The following SLC2A9 variants were observed in gnomAD, a reference collection of about 807,000 sequenced individuals.
The protein encoded by SLC2A9 is solute carrier family 2, facilitated glucose transporter member 9.
A neutral mutation model predicts 50.6 loss-of-function variants in SLC2A9; 39 were observed. The ratio of observed to expected loss-of-function variants is 0.77; its 90% CI spans 0.60 to 1.01. The LOEUF (loss-of-function observed/expected upper bound fraction) is 1.01, where lower values mean the gene tolerates loss of function less well. Among genes scored for constraint, SLC2A9 ranks in the 50% least tolerant of loss-of-function variants. The pLI, the probability that SLC2A9 is intolerant of heterozygous loss-of-function variation, is 0.00. For missense variants in SLC2A9, 686 were observed against 677.6 expected (o/e 1.01, Z -0.14); for synonymous variants, 324 against 276.9 (o/e 1.17, Z -1.69).
At chr4:9,870,213 G>A (rs2109489608) in intron 10 of SLC2A9, among the ~76,000 whole-genome samples, 1 of 152,368 alleles carries the variant, frequency 6.6e-6, no homozygotes, top group Admixed American at 6.5e-5. Context: ...ACACATTGCT[G>A]TCATTTGTGG....
intron 2 of SLC2A9, among the ~76,000 whole-genome samples, chr4:10,001,467 T>G (rs1759790735): frequency 6.6e-6 from 1 of 152,348 alleles, no homozygotes; most frequent in Non-Finnish European, 1.5e-5. Flanking sequence ...CACCTTGATC[T>G]TGGACTTCTG....
At chr4:9,812,424 T>C (rs1723006920) in intron 3 of SLC2A9, among the ~76,000 whole-genome samples, 1 of 151,970 alleles carries the variant, frequency 6.6e-6, no homozygotes, top group South Asian at 2.1e-4. Context: ...TATCCTATCC[T>C]GCAGTCTTGT....
intron 10 of SLC2A9, among the ~76,000 whole-genome samples, chr4:9,856,886 T>A (rs1001960434): frequency 3.3e-5 from 5 of 152,164 alleles, no homozygotes; most frequent in African/African-American, 1.2e-4. Flanking sequence ...TACCACATGT[T>A]CTCAATTATA....
intron 5 of SLC2A9, among the ~76,000 whole-genome samples, chr4:9,964,926 C>T (rs947080050): frequency 7.2e-5 from 11 of 152,176 alleles, no homozygotes; most frequent in Admixed American, 4.6e-4. Flanking sequence ...CTGCTGCAGA[C>T]ATTCGGAGTA....
chr4:9,820,247 T>C (rs891886354), intron 3 of SLC2A9, among the ~76,000 whole-genome samples: 13 of 152,268 alleles, frequency 8.5e-5, no homozygotes, highest in Admixed American at 7.8e-4. Flanking sequence ...CTTTGCATTT[T>C]TGTCAAAATT....
intron 10 of SLC2A9, among the ~76,000 whole-genome samples, chr4:9,852,284 C>T (rs1056262832): frequency 3.3e-5 from 5 of 149,758 alleles, no homozygotes; most frequent in African/African-American, 4.9e-5. Context: ...CTCGCTCTGT[C>T]GCCCAGGCCG....
chr4:9,785,502 A>C (rs578116496), intron 3 of SLC2A9, among the ~76,000 whole-genome samples: 3 of 152,304 alleles, frequency 2.0e-5, no homozygotes, highest in African/African-American at 7.2e-5. Context: ...CTCAAATCTA[A>C]CTGATCTGGA....
chr4:9,780,003 T>A (rs1577249203), exon 4 of SLC2A9: 1 of 152,148 alleles, frequency 6.6e-6, no homozygotes, highest in South Asian at 2.1e-4. Flanking sequence ...TTGGTGGCGG[T>A]GGTGGTGGCG....
At chr4:9,843,407 G>A (rs1048059820) in intron 10 of SLC2A9, among the ~76,000 whole-genome samples, 2 of 152,148 alleles carry the variant, frequency 1.3e-5, no homozygotes, top group Non-Finnish European at 2.9e-5. Flanking sequence ...TTAAGAACAT[G>A]GGGTGGAGGT....
rs534021805 is a variant in SLC2A9 at position 9,930,585 on chromosome 4, G to T, written c.815-10013C>A. 1.1e-4 allele frequency among the ~76,000 whole-genome samples: 17 copies of T among 152,308 alleles called. 1 individual carries two copies. The South Asian group carries it at 2.1e-3, about 19-fold the overall frequency. ...CATGGAAGAGGTTGGTTTTCCTCTG[G>T]GTCTAGAATGCAGAGGTGCTCACAG... On this transcript the variant is annotated intron_variant, in intron 6 of 11. Coordinates refer to ENST00000264784, the MANE Select transcript of SLC2A9 (RefSeq NM_020041.3).
rs866867741 is a variant in SLC2A9 at position 9,826,695 on chromosome 4, C to T, written c.1420-95G>A. ...CAGATTTTTAAGATAGCTCCACATT[C>T]ATATACCAATACTCCTAGACAAAAC... On this transcript the variant is annotated intron_variant, in intron 11 of 11. Coordinates refer to ENST00000264784, the MANE Select transcript of SLC2A9 (RefSeq NM_020041.3). 6 of 1,131,096 alleles carry T rather than the reference C, an allele frequency of 5.3e-6. No individual in the cohort carries two copies. In the African/African-American group the frequency reaches 9.3e-5, roughly 17 times the overall value. 70.1% of individuals were successfully genotyped at this position (1,131,096 alleles called of 1,614,324 possible). A position where few individuals can be genotyped will look rare whatever the true frequency, so the allele number is the denominator to read the frequency against.
At chr4:10,035,492 G>A (rs1320720812) in intron 1 of SLC2A9, 2 of 152,200 alleles carry the variant, frequency 1.3e-5, no homozygotes, top group African/African-American at 4.8e-5. Context: ...GCATCTCGAA[G>A]GTGGAATAAG....
chr4:9,809,413 C>T (rs1216215223), intron 3 of SLC2A9, among the ~76,000 whole-genome samples: 5 of 152,282 alleles, frequency 3.3e-5, no homozygotes, highest in African/African-American at 7.2e-5. Flanking sequence ...AGCCCACTGT[C>T]TTTTCCATTC....
chr4:9,997,053 T>G (rs982454980), intron 2 of SLC2A9, 112 bp from the exon 3 acceptor site: 1 of 1,266,042 alleles, frequency 7.9e-7, no homozygotes, highest in African/African-American at 1.5e-5. Flanking sequence ...GCATAGCACT[T>G]TGCTAATTTG....
At chr4:10,033,399 C>T (rs543110800) in intron 1 of SLC2A9, among the ~76,000 whole-genome samples, 13 of 152,280 alleles carry the variant, frequency 8.5e-5, no homozygotes, top group African/African-American at 2.9e-4. Context: ...CACCCTCTTC[C>T]CCCCGGCTCT....
At chr4:10,014,684 C>T (rs1215124752) in intron 2 of SLC2A9, among the ~76,000 whole-genome samples, 1 of 152,206 alleles carries the variant, frequency 6.6e-6, no homozygotes, top group Non-Finnish European at 1.5e-5. Flanking sequence ...TGTCCTGTGG[C>T]TCCATGCAGC....
intron 5 of SLC2A9, among the ~76,000 whole-genome samples, chr4:9,953,111 T>TA (rs1750607695): frequency 6.6e-6 from 1 of 152,254 alleles, no homozygotes; most frequent in Admixed American, 6.5e-5. Context: ...CTTCAGATCC[T>TA]AAAAGTCTTT....
chr4:9,800,750 G>C (rs1258653697), intron 3 of SLC2A9, among the ~76,000 whole-genome samples: 1 of 152,180 alleles, frequency 6.6e-6, no homozygotes, highest in Non-Finnish European at 1.5e-5. Context: ...CAACGCATCA[G>C]GTATTATAGG....
chr4:9,837,598 T>C (rs1039094550), intron 10 of SLC2A9, among the ~76,000 whole-genome samples: 1 of 152,244 alleles, frequency 6.6e-6, no homozygotes, highest in Non-Finnish European at 1.5e-5. Flanking sequence ...GGTACATCTC[T>C]TTGTTTCTTC....
Sources: allele counts gnomAD v4.1 joint callset (sites outside exome capture counted in the v4.1 genomes callset), GRCh38; gene constraint gnomAD v4.1.1; transcripts MANE v1.5; gene names NCBI Gene and HGNC (gene_info 2026-07-23, HGNC 2026-07-21).